Variants in PRTFDC1 observed in about 807,000 individuals in gnomAD.
The protein encoded by PRTFDC1 is phosphoribosyltransferase domain-containing protein 1.
PRTFDC1 carries 38 observed loss-of-function variants against 34.6 expected under a neutral mutation model. That is an observed-to-expected ratio of 1.10 (90% CI 0.85 to 1.44). PRTFDC1 has a LOEUF of 1.44. PRTFDC1 is among the 40% of genes most tolerant of loss of function. PRTFDC1 has a pLI of 0.00. For missense variants in PRTFDC1, 270 were observed against 283.0 expected (o/e 0.95, Z 0.33); for synonymous variants, 93 against 98.1 (o/e 0.95, Z 0.31).
At chr10:24,949,731 AT>A (rs1352156296) in intron 1 of PRTFDC1, among the ~76,000 whole-genome samples, 1 of 114,380 alleles carries the variant, frequency 8.7e-6, no homozygotes, top group Non-Finnish European at 2.0e-5. Flanking sequence ...TTATTTATTT[AT>A]TTATTTATTT....
chr10:24,900,927 G>A (rs533910811), intron 3 of PRTFDC1, among the ~76,000 whole-genome samples: 1 of 152,258 alleles, frequency 6.6e-6, no homozygotes, highest in Admixed American at 6.5e-5. Context: ...ACTATTTTGT[G>A]GTAACTTGTC....
chr10:24,848,734 A>G lies in PRTFDC1; in HGVS notation c.*1110T>C, dbSNP rs1296737706. On this transcript the variant is annotated 3_prime_UTR_variant, in exon 9 of 9. Coordinates refer to ENST00000320152, the MANE Select transcript of PRTFDC1 (RefSeq NM_020200.7). Reference sequence around the variant, plus strand: ...GCTTAGTTATTTATTTTGCATTTGCATTTTGTAGGAAGTGAGAAAAAAACA... The same window carrying G: ...GCTTAGTTATTTATTTTGCATTTGCGTTTTGTAGGAAGTGAGAAAAAAACA... 2.0e-5 allele frequency: 3 copies of G among 152,152 alleles called. No individual in the cohort carries two copies. The East Asian group carries it at 5.8e-4, about 29-fold the overall frequency. 9.4% of individuals were successfully genotyped at this position (152,152 alleles called of 1,614,324 possible). A position where few individuals can be genotyped will look rare whatever the true frequency, so the allele number is the denominator to read the frequency against.
intron 3 of PRTFDC1, among the ~76,000 whole-genome samples, chr10:24,917,340 G>A (rs1042475723): frequency 1.2e-4 from 19 of 152,118 alleles, no homozygotes; most frequent in African/African-American, 4.6e-4. Context: ...GGTAGGGATG[G>A]TTGTTGGATA....
chr10:24,936,360 CCT>C (rs1321623455), intron 3 of PRTFDC1, among the ~76,000 whole-genome samples: 1 of 151,696 alleles, frequency 6.6e-6, no homozygotes, highest in African/African-American at 2.4e-5. Context: ...CTCACTGCAG[CCT>C]CTGTCTCCTG....
chr10:24,855,756 T>G (rs1049979684), intron 6 of PRTFDC1, among the ~76,000 whole-genome samples: 2 of 151,550 alleles, frequency 1.3e-5, no homozygotes, highest in Admixed American at 6.6e-5. Flanking sequence ...GATTGCACTA[T>G]TGCACTCCAG....
chr10:24,852,128 C>T (rs1266819398), intron 7 of PRTFDC1, among the ~76,000 whole-genome samples: 4 of 151,816 alleles, frequency 2.6e-5, no homozygotes, highest in Non-Finnish European at 5.9e-5. Flanking sequence ...GTGCAAGGTA[C>T]TTATGAAAAG....
At chr10:24,944,713 T>C (rs1205724309) in intron 1 of PRTFDC1, among the ~76,000 whole-genome samples, 3 of 151,938 alleles carry the variant, frequency 2.0e-5, no homozygotes, top group African/African-American at 7.3e-5. Flanking sequence ...AGCCCGGGAG[T>C]TCGAGGCTGC....
rs60294805 is a variant in PRTFDC1 at position 24,910,408 on chromosome 10, T to C, written c.339+26776A>G. 3.8e-3 allele frequency among the ~76,000 whole-genome samples: 576 copies of C among 152,296 alleles called. 21 individuals are homozygous for C. In the East Asian group the frequency reaches 0.087, roughly 23 times the overall value. ...TGATAGATTTTTGTCTCATTTCATGTATAATGGAGGTAAGGAGACTTACTT... is the reference window on the plus strand; with the variant it reads ...TGATAGATTTTTGTCTCATTTCATGCATAATGGAGGTAAGGAGACTTACTT... On this transcript the variant is annotated intron_variant, in intron 3 of 8. Transcript: ENST00000320152.
intron 4 of PRTFDC1, among the ~76,000 whole-genome samples, chr10:24,859,559 G>C (rs1847641767): frequency 6.6e-6 from 1 of 152,126 alleles, no homozygotes; most frequent in Non-Finnish European, 1.5e-5. Context: ...TTCTGTCACA[G>C]TTTTAAGTTT....
At chr10:24,881,937 T>A (rs1848085396) in intron 3 of PRTFDC1, among the ~76,000 whole-genome samples, 3 of 151,926 alleles carry the variant, frequency 2.0e-5, no homozygotes, top group Non-Finnish European at 2.9e-5. Context: ...CGGGGCACGG[T>A]GGCTCATATC....
chr10:24,849,805 T>C lies in PRTFDC1; in HGVS notation c.*39A>G. ...GGCTTCCCAAGTACAGGCGTAAATA[T>C]GATGCTATCTGGGACTTTAGTGGTG... On this transcript the variant is annotated 3_prime_UTR_variant, in exon 9 of 9. Coordinates refer to ENST00000320152, the MANE Select transcript of PRTFDC1 (RefSeq NM_020200.7). 4 of 1,603,630 alleles carry C rather than the reference T, an allele frequency of 2.5e-6. No homozygotes were observed. The highest frequency in any genetic ancestry group is 2.6e-6 in the Non-Finnish European group (3 of 1,170,606).
chr10:24,864,083 C>T (rs1847733126), intron 4 of PRTFDC1, among the ~76,000 whole-genome samples: 1 of 148,944 alleles, frequency 6.7e-6, no homozygotes, highest in African/African-American at 2.5e-5. Context: ...GCAAGAGAAA[C>T]TGAATTAGAA....
In PRTFDC1 at chr10:24,937,112, A is replaced by G. The variant is rs1849062888; in HGVS notation, c.339+72T>C. The stretch of plus-strand genomic sequence containing the variant: ...TAAAAATTGCACTCTTCATTTTCAT[A>G]ACATTATTGATTCTTTTATCCTAAA... On this transcript the variant is annotated intron_variant, in intron 3 of 8. Coordinates refer to ENST00000320152, the MANE Select transcript of PRTFDC1 (RefSeq NM_020200.7). 2.2e-6 allele frequency: 3 copies of G among 1,350,334 alleles called. No homozygotes were observed. The South Asian group carries it at 4.5e-5, about 20-fold the overall frequency. The allele number at this position is 1,350,334 out of a possible 1,614,324, so 83.6% of individuals were successfully genotyped here. A position where few individuals can be genotyped will look rare whatever the true frequency, so the allele number is the denominator to read the frequency against.
Position 24,870,653 on chromosome 10 carries a change from T to A in PRTFDC1, c.405+1345A>T, listed in dbSNP as rs150488901. 1.9e-4 allele frequency among the ~76,000 whole-genome samples: 29 copies of A among 152,300 alleles called. 1 individual carries two copies. In the East Asian group the frequency reaches 5.6e-3, roughly 29 times the overall value. ...TCTAGGATGTTGTTTTATGCACCAATGTAACAGTAACATCAAATGGTGGCT... is the reference window on the plus strand; with the variant it reads ...TCTAGGATGTTGTTTTATGCACCAAAGTAACAGTAACATCAAATGGTGGCT... On this transcript the variant is annotated intron_variant, in intron 4 of 8. Transcript: ENST00000320152.
chr10:24,881,232 GA>G (rs1234325114), intron 3 of PRTFDC1, among the ~76,000 whole-genome samples: 18 of 121,242 alleles, frequency 1.5e-4, no homozygotes, highest in African/African-American at 4.1e-4. Flanking sequence ...ACACCCAGCT[GA>G]TTTTTTTATT....
At chr10:24,896,158 C>T (rs1848359339) in intron 3 of PRTFDC1, among the ~76,000 whole-genome samples, 1 of 152,188 alleles carries the variant, frequency 6.6e-6, no homozygotes, top group South Asian at 2.1e-4. Context: ...TCGTTGGGAA[C>T]AGGGCCACAC....
chr10:24,910,892 A>AT (rs554253291), intron 3 of PRTFDC1, among the ~76,000 whole-genome samples: 228 of 141,084 alleles, frequency 1.6e-3, no homozygotes, highest in East Asian at 5.5e-3. Flanking sequence ...GAGTTAGGTA[A>AT]TTTTTTTTTT....
intron 3 of PRTFDC1, among the ~76,000 whole-genome samples, chr10:24,887,464 TCC>T (rs111504507): frequency 1.3e-5 from 2 of 151,274 alleles, no homozygotes; most frequent in South Asian, 2.1e-4. Flanking sequence ...TATAAGGGCT[TCC>T]CCCCTCTCCC....
chr10:24,862,011 G>A (rs1847688098), intron 4 of PRTFDC1, among the ~76,000 whole-genome samples: 8 of 151,724 alleles, frequency 5.3e-5, no homozygotes, highest in Admixed American at 5.3e-4. Flanking sequence ...AAGAAAGTTT[G>A]TACTTTCTAT....
Sources: allele counts gnomAD v4.1 joint callset (sites outside exome capture counted in the v4.1 genomes callset), GRCh38; gene constraint gnomAD v4.1.1; transcripts MANE v1.5; gene names NCBI Gene and HGNC (gene_info 2026-07-23, HGNC 2026-07-21).